The following NUP153 variants were observed in gnomAD, a reference collection of about 807,000 sequenced individuals.
The protein encoded by NUP153 is nuclear pore complex protein Nup153.
NUP153 carries 27 observed loss-of-function variants against 134.6 expected under a neutral mutation model. The ratio of observed to expected loss-of-function variants is 0.20; its 90% CI spans 0.15 to 0.28. The LOEUF is 0.28. Ranked by LOEUF, NUP153 falls within the 10% of genes least tolerant of loss-of-function variation. The pLI is 1.00. For synonymous variants in NUP153, 640 were observed against 623.5 expected (o/e 1.03, Z -0.40); for missense variants, 1,821 against 1,731.3 (o/e 1.05, Z -0.92).
At position 17,675,135 on chromosome 6, in the gene NUP153, A is replaced by G. The variant is rs1451203912; in HGVS notation, c.723+94T>C. ...TGCTACACACTCAAGCCTGGGCAAC[A>G]GCAAAAGACTCTTGTCTCAGAAAAA... On this transcript the variant is annotated intron_variant, in intron 4 of 21. Transcript: ENST00000262077. The surrounding 1 kb of genome is among the most constrained non-coding windows in gnomAD (Gnocchi z 4.4). 2.6e-6 allele frequency: 4 copies of G among 1,546,122 alleles called. No homozygotes were observed. The East Asian group carries it at 9.0e-5, about 35-fold the overall frequency.
chr6:17,705,597 G>A (rs959617456), intron 1 of NUP153, among the ~76,000 whole-genome samples: 1 of 142,768 alleles, frequency 7.0e-6, no homozygotes, highest in African/African-American at 2.7e-5. Context: ...GGGGGGGGGA[G>A]GGGAGTCGCG....
Position 17,706,563 on chromosome 6 carries a change from G to A in NUP153, c.-176C>T. 3.4e-6 allele frequency: 2 copies of A among 590,882 alleles called. No homozygotes were observed. Among genetic ancestry groups the A allele is most frequent in the Admixed American group, 6.1e-5 (2 of 32,880 alleles). 36.6% of individuals were successfully genotyped at this position (590,882 alleles called of 1,614,324 possible). A position where few individuals can be genotyped will look rare whatever the true frequency, so the allele number is the denominator to read the frequency against. ...GCGAGGTTGCGAGCAGGAGCGGAGA[G>A]AGGGTGAGTGCTGGCAGCGGGGAAG... On this transcript the variant is annotated 5_prime_UTR_variant, in exon 1 of 22. Transcript: ENST00000262077. The surrounding 1 kb of genome is among the most constrained non-coding windows in gnomAD (Gnocchi z 5.9).
Position 17,637,241 on chromosome 6 carries a change from C to T in NUP153, c.2376G>A (p.Arg792=), listed in dbSNP as rs1765593723. The T allele has an allele frequency of 6.2e-7, 1 of 1,614,038 alleles. No homozygotes were observed. The highest frequency in any genetic ancestry group is 1.1e-5 in the South Asian group (1 of 91,090). ...CTGAACACTCCCAAGATCCAATGGG[C>T]CTTTTGAATTTATCTCCAAATCCTA... The part of the protein sequence containing the change: ...GTLGFGDKFK[R]PIGSWECSVC... Residue 792 remains arginine (R), a synonymous_variant, in exon 16 of 22, where the codon AGG becomes AGA. Coordinates refer to ENST00000262077, the MANE Select transcript of NUP153 (RefSeq NM_005124.4).
intron 11 of NUP153, among the ~76,000 whole-genome samples, chr6:17,655,915 C>T (rs913662087): frequency 6.6e-6 from 1 of 152,118 alleles, no homozygotes; most frequent in African/African-American, 2.4e-5. Context: ...ATATAAAACA[C>T]AAGGTAGGGC....
At chr6:17,633,970 T>C (rs1765391691) in intron 16 of NUP153, among the ~76,000 whole-genome samples, 1 of 152,348 alleles carries the variant, frequency 6.6e-6, no homozygotes, top group Middle Eastern at 3.4e-3. Context: ...ACTTCTGAGC[T>C]TGTCACTGTA....
intron 11 of NUP153, among the ~76,000 whole-genome samples, chr6:17,655,699 C>T (rs1766773020): frequency 6.6e-6 from 1 of 151,952 alleles, no homozygotes; most frequent in African/African-American, 2.4e-5. Flanking sequence ...GGTGATCTGC[C>T]GGCCTCAGCC....
chr6:17,649,322 G>C, intron 11 of NUP153, 22 bp from the exon 12 acceptor site: 1 of 1,596,348 alleles, frequency 6.3e-7, no homozygotes, highest in Non-Finnish European at 8.5e-7. Flanking sequence ...CATGTTGCAT[G>C]ATATATTTCA....
In NUP153 at chr6:17,625,499, C is replaced by T. The variant is rs1169498858; in HGVS notation, c.3901+309G>A. ...GAGCTGAGATTGCACCACTGCACTC[C>T]AGCCTGGGTGACAGAGCAAGACTCC... On this transcript the variant is annotated intron_variant, in intron 19 of 21. Coordinates refer to ENST00000262077, the MANE Select transcript of NUP153 (RefSeq NM_005124.4). This position sits in a 1 kb window ranked among gnomAD's most constrained non-coding sequence, Gnocchi z 4.7. Among the ~76,000 whole-genome samples the T allele has an allele frequency of 6.6e-6, 1 of 152,236 alleles. No individual in the cohort carries two copies. Among genetic ancestry groups the T allele is most frequent in the East Asian group, 1.9e-4 (1 of 5,188 alleles).
At chr6:17,641,263 CG>C (rs1765821567) in intron 14 of NUP153, among the ~76,000 whole-genome samples, 1 of 151,956 alleles carries the variant, frequency 6.6e-6, no homozygotes, top group Admixed American at 6.6e-5. Flanking sequence ...CGGCCAGGCA[CG>C]GGGGCCCGTG....
At position 17,626,011 on chromosome 6, in the gene NUP153, T is replaced by C; in HGVS notation, c.3698A>G (p.Asn1233Ser). ...ACCAAAGGCAGAGCTGCTCACAGGA[T>C]TGCTGGACTGTCCAAACACAAAGGT... ...VATFVFGQSSNPVSSSAFGNT... is the reference protein window; with the variant it reads ...VATFVFGQSSSPVSSSAFGNT... Residue 1233 changes from asparagine to serine, a missense_variant, in exon 19 of 22, where the codon AAT becomes AGT. Asn to Ser is a conservative substitution (Grantham distance 46). Coordinates refer to ENST00000262077, the MANE Select transcript of NUP153 (RefSeq NM_005124.4). 3 of 1,614,134 alleles carry C rather than the reference T, an allele frequency of 1.9e-6. No individual in the cohort carries two copies. The highest frequency in any genetic ancestry group is 2.5e-6 in the Non-Finnish European group (3 of 1,180,022).
At chr6:17,629,707 C>T (rs1316505300) in intron 17 of NUP153, among the ~76,000 whole-genome samples, 168 bp from the exon 18 acceptor site, 3 of 152,174 alleles carry the variant, frequency 2.0e-5, no homozygotes, top group African/African-American at 7.2e-5. Flanking sequence ...TATATTTAGT[C>T]GGTATGAGAA....
At chr6:17,700,858 T>C (rs1270130532) in intron 1 of NUP153, among the ~76,000 whole-genome samples, 1 of 152,190 alleles carries the variant, frequency 6.6e-6, no homozygotes, top group African/African-American at 2.4e-5. Flanking sequence ...AAAAATTCAC[T>C]ATCTGTGTCC....
chr6:17,618,663 T>C (rs1764470667), intron 20 of NUP153, among the ~76,000 whole-genome samples: 1 of 151,390 alleles, frequency 6.6e-6, no homozygotes, highest in Admixed American at 6.6e-5. Context: ...CCTCCCGAGT[T>C]CACGCCATTC....
Position 17,669,550 on chromosome 6 carries a change from TA to T in NUP153, c.853-5del. ...TCATTTGTCTTCTAACTGGTGCCTGTAAAGTAAACCCTATATTATTTGTTGC... is the reference window on the plus strand; with the variant it reads ...TCATTTGTCTTCTAACTGGTGCCTGTAAGTAAACCCTATATTATTTGTTGC... On this transcript the variant is annotated splice_polypyrimidine_tract_variant and splice_region_variant and intron_variant, in intron 5 of 21. Transcript: ENST00000262077. 1 of 1,569,230 alleles carries T rather than the reference TA, an allele frequency of 6.4e-7. No homozygotes were observed. The highest frequency in any genetic ancestry group is 8.8e-7 in the Non-Finnish European group (1 of 1,138,938).
chr6:17,646,453 G>T (rs1016302809), intron 13 of NUP153, among the ~76,000 whole-genome samples: 2 of 152,144 alleles, frequency 1.3e-5, no homozygotes, highest in Non-Finnish European at 2.9e-5. Context: ...TGATCCGCCC[G>T]CCTCGGCCTC....
chr6:17,621,578 GTT>G (rs1764643763), intron 20 of NUP153, among the ~76,000 whole-genome samples: 3 of 152,182 alleles, frequency 2.0e-5, no homozygotes. Flanking sequence ...AGGACATTAT[GTT>G]AGGTGAAATA....
intron 11 of NUP153, 63 bp downstream of exon 11, chr6:17,661,590 T>C: frequency 6.5e-7 from 1 of 1,536,870 alleles, no homozygotes; most frequent in Non-Finnish European, 8.8e-7. Context: ...AGGTCTCCCC[T>C]TACCACCACC....
At chr6:17,616,874 C>T (rs1460357753) in intron 20 of NUP153, among the ~76,000 whole-genome samples, 179 bp from the exon 21 acceptor site, 1 of 152,150 alleles carries the variant, frequency 6.6e-6, no homozygotes, top group Non-Finnish European at 1.5e-5. Context: ...CTCAGCCTCC[C>T]CAGTAGCTGG....
intron 1 of NUP153, among the ~76,000 whole-genome samples, chr6:17,691,817 CAAG>C (rs1769293217): frequency 6.7e-6 from 1 of 148,470 alleles, no homozygotes; most frequent in African/African-American, 2.4e-5. Context: ...AGCACTATAG[CAAG>C]AATTTTTTTT....
Sources: gnomAD v4.1 joint callset for allele counts (sites outside exome capture counted in the v4.1 genomes callset) on GRCh38, gnomAD v4.1.1 for gene constraint, Gnocchi (gnomAD v3.1) non-coding constraint, MANE v1.5 for transcripts, NCBI Gene and HGNC (gene_info 2026-07-23, HGNC 2026-07-21) for gene names.